The following NUDCD1 variants were observed in gnomAD, a reference collection of about 807,000 sequenced individuals.
NUDCD1 encodes the protein NudC domain containing 1.
NUDCD1 carries 60 observed loss-of-function variants against 67.8 expected under a neutral mutation model. That is an observed-to-expected ratio of 0.88 (90% CI 0.72 to 1.10). The LOEUF (loss-of-function observed/expected upper bound fraction) is 1.10, where lower values mean the gene tolerates loss of function less well. NUDCD1 is among the 50% of genes least tolerant of loss of function. The pLI, the probability that NUDCD1 is intolerant of heterozygous loss-of-function variation, is 0.00. For missense variants in NUDCD1, 643 were observed against 695.0 expected, an observed-to-expected ratio of 0.93 and a Z score of 0.84; for synonymous variants, 244 against 230.8, an observed-to-expected ratio of 1.06 and a Z score of -0.52.
intron 1 of NUDCD1, among the ~76,000 whole-genome samples, chr8:109,333,145 G>T (rs938429276): frequency 6.6e-6 from 1 of 152,150 alleles, no homozygotes; most frequent in African/African-American, 2.4e-5. Context: ...ATACTTTAAT[G>T]TCTGTTATTA....
chr8:109,252,096 T>C (rs1450845108), intron 8 of NUDCD1, among the ~76,000 whole-genome samples: 1 of 152,192 alleles, frequency 6.6e-6, no homozygotes, highest in Non-Finnish European at 1.5e-5. Context: ...TCAGAGTCTA[T>C]GCTCTTGCTT....
chr8:109,307,105 A>G (rs1239061970), intron 2 of NUDCD1, among the ~76,000 whole-genome samples: 2 of 152,190 alleles, frequency 1.3e-5, no homozygotes, highest in African/African-American at 4.8e-5. Flanking sequence ...AGATGGCCTG[A>G]AACAACTGAA....
intron 2 of NUDCD1, among the ~76,000 whole-genome samples, chr8:109,320,297 C>G (rs955759435): frequency 6.6e-6 from 1 of 152,008 alleles, no homozygotes; most frequent in Non-Finnish European, 1.5e-5. Context: ...CCATAAGAGA[C>G]GACCATGCCC....
intron 2 of NUDCD1, among the ~76,000 whole-genome samples, chr8:109,304,008 C>T (rs1034299852): frequency 1.3e-5 from 2 of 152,126 alleles, no homozygotes; most frequent in African/African-American, 4.8e-5. Flanking sequence ...AATACCTCCC[C>T]TCCACAACCC....
At chr8:109,320,610 C>T (rs1811719973) in intron 2 of NUDCD1, among the ~76,000 whole-genome samples, 1 of 152,096 alleles carries the variant, frequency 6.6e-6, no homozygotes, top group African/African-American at 2.4e-5. Flanking sequence ...TAGACATCCT[C>T]CTCAGCTGAC....
chr8:109,301,128 G>A lies in NUDCD1; in HGVS notation c.274-4559C>T, dbSNP rs1199191876. On this transcript the variant is annotated intron_variant, in intron 2 of 9. Coordinates refer to ENST00000239690, the MANE Select transcript of NUDCD1 (RefSeq NM_032869.4). ...CCATCATATCCCCTGTGACCTGCAC[G>A]TATGCATCCAGATGGCCTGAAACAA... is the stretch of plus-strand genomic sequence containing the variant. Among the ~76,000 whole-genome samples, 9 of 152,292 alleles carry A rather than the reference G, an allele frequency of 5.9e-5. No homozygotes were observed. The East Asian group carries it at 1.7e-3, about 29-fold the overall frequency.
chr8:109,323,540 G>T (rs1056544522), intron 1 of NUDCD1, among the ~76,000 whole-genome samples: 6 of 151,924 alleles, frequency 3.9e-5, no homozygotes, highest in African/African-American at 1.4e-4. Context: ...ATTAAATTGT[G>T]ATAAAGAATA....
intron 5 of NUDCD1, among the ~76,000 whole-genome samples, chr8:109,286,030 A>C (rs1814567938): frequency 6.6e-6 from 1 of 152,006 alleles, no homozygotes; most frequent in Non-Finnish European, 1.5e-5. Flanking sequence ...CAAATCAAGA[A>C]CACAATCCCA....
intron 2 of NUDCD1, among the ~76,000 whole-genome samples, chr8:109,306,568 C>T (rs1815109749): frequency 6.6e-6 from 1 of 150,974 alleles, no homozygotes; most frequent in Non-Finnish European, 1.5e-5. Flanking sequence ...TATATGACAA[C>T]ATAAAAAAAA....
intron 6 of NUDCD1, among the ~76,000 whole-genome samples, chr8:109,279,841 A>AT (rs1814390470): frequency 6.6e-6 from 1 of 152,034 alleles, no homozygotes; most frequent in Admixed American, 6.6e-5. Context: ...CATGTTGGTC[A>AT]GGCTGGTCTC....
chr8:109,308,785 C>T (rs1815170136), intron 2 of NUDCD1, among the ~76,000 whole-genome samples: 1 of 151,958 alleles, frequency 6.6e-6, no homozygotes, highest in South Asian at 2.1e-4. Flanking sequence ...TCCTGGCTAA[C>T]ACAATGAAAC....
At chr8:109,294,086 A>G (rs1431940083) in intron 3 of NUDCD1, among the ~76,000 whole-genome samples, 1 of 63,838 alleles carries the variant, frequency 1.6e-5, no homozygotes, top group African/African-American at 3.9e-5. Context: ...TTCTTATACC[A>G]CAAACACAAG....
At chr8:109,295,501 A>T (rs1307065037) in intron 3 of NUDCD1, among the ~76,000 whole-genome samples, 2 of 152,188 alleles carry the variant, frequency 1.3e-5, no homozygotes, top group Admixed American at 6.6e-5. Flanking sequence ...TTTTGAACAT[A>T]CTATAATTTG....
chr8:109,311,873 A>G (rs113629413), intron 2 of NUDCD1, among the ~76,000 whole-genome samples: 91 of 152,224 alleles, frequency 6.0e-4, no homozygotes, highest in African/African-American at 2.0e-3. Context: ...AAATCTCACA[A>G]ATCACCGTTA....
At chr8:109,267,297 C>G (rs1308891125) in intron 8 of NUDCD1, among the ~76,000 whole-genome samples, 1 of 152,078 alleles carries the variant, frequency 6.6e-6, no homozygotes, top group Admixed American at 6.6e-5. Flanking sequence ...CTCAAGTAGG[C>G]TCTGGTGTCT....
At chr8:109,256,403 G>C (rs946226310) in intron 8 of NUDCD1, among the ~76,000 whole-genome samples, 1 of 152,086 alleles carries the variant, frequency 6.6e-6, no homozygotes, top group Non-Finnish European at 1.5e-5. Flanking sequence ...ATACAATAAG[G>C]ATAGTACTGT....
intron 5 of NUDCD1, 61 bp from the exon 6 acceptor site, chr8:109,281,233 A>T (rs1227713014): frequency 1.9e-6 from 2 of 1,078,594 alleles, no homozygotes; most frequent in African/African-American, 3.2e-5. Flanking sequence ...ACACACACAC[A>T]AAACCTATCT....
intron 8 of NUDCD1, among the ~76,000 whole-genome samples, chr8:109,253,170 G>A (rs951900417): frequency 2.6e-5 from 4 of 152,158 alleles, no homozygotes; most frequent in African/African-American, 9.7e-5. Context: ...ATACTGAATG[G>A]TGGTTAGCCA....
chr8:109,252,820 T>G (rs1813651771), intron 8 of NUDCD1, among the ~76,000 whole-genome samples: 1 of 152,222 alleles, frequency 6.6e-6, no homozygotes, highest in African/African-American at 2.4e-5. Flanking sequence ...TTTAAAAAGT[T>G]ATGATTCCAT....
Sources: allele counts gnomAD v4.1 joint callset (sites outside exome capture counted in the v4.1 genomes callset), GRCh38; gene constraint gnomAD v4.1.1; transcripts MANE v1.5; gene names NCBI Gene and HGNC (gene_info 2026-07-23, HGNC 2026-07-21).